TRPM3: variants seen among roughly 807,000 people sequenced by gnomAD.
TRPM3 encodes long transient receptor potential channel 3.
A neutral mutation model predicts 181.2 loss-of-function variants in TRPM3; 77 were observed. The observed-to-expected ratio is 0.42, with a 90% CI of 0.35 to 0.51. TRPM3 has a LOEUF of 0.51. Among genes scored for constraint, TRPM3 ranks in the 20% least tolerant of loss-of-function variants. The pLI is 0.01. For synonymous variants in TRPM3, 745 were observed against 796.4 expected, an observed-to-expected ratio of 0.94 and a Z score of 1.09; for missense variants, 1,759 against 2,196.7, an observed-to-expected ratio of 0.80 and a Z score of 3.98.
At chr9:71,208,015 A>C (rs2079232162) in intron 1 of TRPM3, among the ~76,000 whole-genome samples, 1 of 152,158 alleles carries the variant, frequency 6.6e-6, no homozygotes, top group African/African-American at 2.4e-5. Flanking sequence ...GGAGCAAGGA[A>C]GGAGAGAAGG....
intron 8 of TRPM3, among the ~76,000 whole-genome samples, chr9:70,692,956 T>C (rs1340559318): frequency 6.6e-6 from 1 of 152,216 alleles, no homozygotes; most frequent in Non-Finnish European, 1.5e-5. Flanking sequence ...GGACCTATGA[T>C]TGACATATCT....
chr9:71,062,003 C>T (rs1206286784), intron 1 of TRPM3, among the ~76,000 whole-genome samples: 1 of 151,932 alleles, frequency 6.6e-6, no homozygotes, highest in Admixed American at 6.6e-5. Flanking sequence ...CCACAGAAGA[C>T]CTCAGAAATG....
At chr9:71,367,943 TTGTG>T (rs35334724) in intron 1 of TRPM3, among the ~76,000 whole-genome samples, 100 of 150,846 alleles carry the variant, frequency 6.6e-4, no homozygotes, top group African/African-American at 2.3e-3. Context: ...TCCTAAGCAT[TTGTG>T]TGTGTGTGTG....
intron 1 of TRPM3, among the ~76,000 whole-genome samples, chr9:70,950,616 G>A (rs997017474): frequency 9.9e-5 from 15 of 152,162 alleles, no homozygotes; most frequent in African/African-American, 3.6e-4. Flanking sequence ...CCACTCCACA[G>A]TGAATGGGCA....
intron 1 of TRPM3, among the ~76,000 whole-genome samples, chr9:71,402,769 A>G (rs1588870390): frequency 6.6e-6 from 1 of 152,182 alleles, no homozygotes; most frequent in Admixed American, 6.6e-5. Context: ...CAGGGAGGCC[A>G]TGCCTTTCCC....
chr9:70,629,413 G>GCAA (rs2065382554), intron 12 of TRPM3, among the ~76,000 whole-genome samples: 1 of 152,034 alleles, frequency 6.6e-6, no homozygotes, highest in Admixed American at 6.5e-5. Context: ...TCGACTCACT[G>GCAA]CAACCTCCGC....
intron 6 of TRPM3, among the ~76,000 whole-genome samples, chr9:70,798,857 G>A (rs1332438808): frequency 6.6e-6 from 1 of 152,124 alleles, no homozygotes; most frequent in Non-Finnish European, 1.5e-5. Context: ...TTAACTACGG[G>A]GCCTCAGCAG....
At chr9:70,538,760 T>G (rs936145321) in intron 25 of TRPM3, among the ~76,000 whole-genome samples, 1 of 152,216 alleles carries the variant, frequency 6.6e-6, no homozygotes, top group Non-Finnish European at 1.5e-5. Context: ...CCTGTTTTCA[T>G]TTCTATGTGG....
chr9:70,554,529 G>T (rs1322324952), intron 22 of TRPM3, among the ~76,000 whole-genome samples: 1 of 152,138 alleles, frequency 6.6e-6, no homozygotes, highest in African/African-American at 2.4e-5. Flanking sequence ...TCTCAACCCT[G>T]GCTGCCCTGG....
At chr9:71,374,482 C>G (rs1352639407) in intron 1 of TRPM3, among the ~76,000 whole-genome samples, 1 of 152,130 alleles carries the variant, frequency 6.6e-6, no homozygotes, top group Non-Finnish European at 1.5e-5. Flanking sequence ...AAACCCATGG[C>G]CAATATCCTA....
At chr9:70,993,802 AAAAGAAAGAAAG>A (rs57430823) in intron 1 of TRPM3, among the ~76,000 whole-genome samples, 2 of 105,022 alleles carry the variant, frequency 1.9e-5, no homozygotes, top group Admixed American at 1.1e-4. Context: ...AAAAAAAAAA[AAAAGAAAGAAAG>A]AAAGAAAGAA....
chr9:71,233,534 C>CA (rs568943656), intron 1 of TRPM3, among the ~76,000 whole-genome samples: 49 of 152,066 alleles, frequency 3.2e-4, no homozygotes, highest in African/African-American at 1.1e-3. Flanking sequence ...ACCATAAAAA[C>CA]AAAAAAATCA....
At chr9:71,325,531 T>C (rs1412446210) in intron 1 of TRPM3, among the ~76,000 whole-genome samples, 2 of 152,020 alleles carry the variant, frequency 1.3e-5, no homozygotes, top group African/African-American at 4.8e-5. Context: ...AATGATAAAA[T>C]CCACTTTTAC....
intron 1 of TRPM3, among the ~76,000 whole-genome samples, chr9:71,104,971 C>A (rs1250272657): frequency 6.6e-6 from 1 of 152,146 alleles, no homozygotes; most frequent in African/African-American, 2.4e-5. Flanking sequence ...TATAATCCAG[C>A]AATTCTATTC....
intron 7 of TRPM3, among the ~76,000 whole-genome samples, chr9:70,772,668 C>G (rs1044050819): frequency 2.0e-5 from 3 of 152,174 alleles, no homozygotes; most frequent in African/African-American, 7.2e-5. Flanking sequence ...TGGAGACAGG[C>G]AGGGCTGCCA....
intron 1 of TRPM3, among the ~76,000 whole-genome samples, chr9:71,439,592 C>T (rs2094104077): frequency 6.6e-6 from 1 of 152,126 alleles, no homozygotes; most frequent in African/African-American, 2.4e-5. Flanking sequence ...TACTCCCCTG[C>T]TGCCCCATGC....
At chr9:70,975,215 G>C (rs2097291350) in intron 1 of TRPM3, among the ~76,000 whole-genome samples, 2 of 152,108 alleles carry the variant, frequency 1.3e-5, no homozygotes, top group South Asian at 4.1e-4. Context: ...TAATGAAGGA[G>C]TTGTTGAACG....
chr9:70,793,187 G>A (rs906564823), intron 6 of TRPM3, among the ~76,000 whole-genome samples: 1 of 152,112 alleles, frequency 6.6e-6, no homozygotes, highest in Non-Finnish European at 1.5e-5. Flanking sequence ...GGGCACAATG[G>A]CTTATGCCGT....
At chr9:70,607,395 C>T (rs1047691641) in intron 19 of TRPM3, among the ~76,000 whole-genome samples, 5 of 152,162 alleles carry the variant, frequency 3.3e-5, no homozygotes, top group African/African-American at 9.7e-5. Context: ...TTCCTCGAGG[C>T]CTGGGCTTTG....
Sources: gnomAD v4.1 joint callset for allele counts (sites outside exome capture counted in the v4.1 genomes callset) on GRCh38, gnomAD v4.1.1 for gene constraint, MANE v1.5 for transcripts, NCBI Gene and HGNC (gene_info 2026-07-23, HGNC 2026-07-21) for gene names.